Variants in ADGRV1 observed in about 807,000 individuals in gnomAD.
ADGRV1 encodes G-protein coupled receptor 98.
Under a neutral mutation model 596.2 loss-of-function variants are expected in ADGRV1, and 359 were observed. The ratio of observed to expected loss-of-function variants is 0.60; its 90% confidence interval spans 0.55 to 0.66. The LOEUF (loss-of-function observed/expected upper bound fraction) is 0.66, where lower values mean the gene tolerates loss of function less well. ADGRV1 is among the 30% of genes least tolerant of loss of function. The pLI, the probability that ADGRV1 is intolerant of heterozygous loss-of-function variation, is 0.00. For synonymous variants in ADGRV1, 2,681 were observed against 2,679.2 expected (o/e 1.00, Z -0.02); for missense variants, 7,274 against 7,575.6 (o/e 0.96, Z 1.48).
At chr5:91,125,681 T>C (rs12153246) in intron 87 of ADGRV1, among the ~76,000 whole-genome samples, 87,097 of 152,088 alleles carry the variant, frequency 0.57, 28,267 homozygotes, top group Non-Finnish European at 0.74. Context: ...ATTATTTTTT[T>C]CAAAGGAATA....
At chr5:90,980,931 T>C (rs1408755689) in intron 84 of ADGRV1, among the ~76,000 whole-genome samples, 1 of 152,182 alleles carries the variant, frequency 6.6e-6, no homozygotes, top group Non-Finnish European at 1.5e-5. Context: ...TATTGTAACA[T>C]TGATGAGAAA....
At chr5:91,158,849 G>GTGGA (rs35809247) in intron 89 of ADGRV1, among the ~76,000 whole-genome samples, 6,927 of 146,142 alleles carry the variant, frequency 0.047, 164 homozygotes, top group East Asian at 0.065. Context: ...ACATGGATGG[G>GTGGA]TGGATGGATG....
chr5:90,842,997 T>C (rs1443291199), intron 78 of ADGRV1, among the ~76,000 whole-genome samples: 2 of 152,082 alleles, frequency 1.3e-5, no homozygotes, highest in Admixed American at 1.3e-4. Context: ...AAACAAAAAT[T>C]CTACTAACAT....
intron 82 of ADGRV1, among the ~76,000 whole-genome samples, chr5:90,856,993 A>G (rs761819679): frequency 1.2e-4 from 19 of 152,184 alleles, no homozygotes; most frequent in Admixed American, 3.3e-4. Context: ...GAATCAAGTA[A>G]TTAATTACTA....
At chr5:90,940,000 A>G (rs1776035383) in intron 83 of ADGRV1, among the ~76,000 whole-genome samples, 1 of 152,194 alleles carries the variant, frequency 6.6e-6, no homozygotes, top group African/African-American at 2.4e-5. Context: ...CACATAGTTC[A>G]GAAATAACGT....
chr5:90,873,028 T>C (rs1478284716), intron 83 of ADGRV1, among the ~76,000 whole-genome samples: 1 of 152,226 alleles, frequency 6.6e-6, no homozygotes, highest in Non-Finnish European at 1.5e-5. Context: ...GGAAGTTGTG[T>C]CTCCTGAGCT....
At chr5:90,615,763 A>G (rs946254325) in intron 2 of ADGRV1, among the ~76,000 whole-genome samples, 4 of 151,964 alleles carry the variant, frequency 2.6e-5, no homozygotes, top group Admixed American at 6.6e-5. Flanking sequence ...ATATATCTAT[A>G]TATAGAAATT....
chr5:90,591,467 G>C (rs971044118), intron 1 of ADGRV1, among the ~76,000 whole-genome samples: 1 of 151,920 alleles, frequency 6.6e-6, no homozygotes, highest in Admixed American at 6.6e-5. Flanking sequence ...ATTATCTACT[G>C]GTTAGATAAA....
chr5:91,072,136 A>G (rs886671431), intron 85 of ADGRV1, among the ~76,000 whole-genome samples: 1 of 152,166 alleles, frequency 6.6e-6, no homozygotes, highest in Admixed American at 6.5e-5. Flanking sequence ...TAAAATGAAC[A>G]GATATGTACC....
intron 54 of ADGRV1, 107 bp downstream of exon 54, chr5:90,753,936 A>T: frequency 4.3e-6 from 5 of 1,159,330 alleles, no homozygotes; most frequent in Non-Finnish European, 4.7e-6. Context: ...TGACTTTTTC[A>T]GTTTGGCAGG....
intron 85 of ADGRV1, among the ~76,000 whole-genome samples, chr5:91,062,316 G>A (rs1787508724): frequency 6.6e-6 from 1 of 152,180 alleles, no homozygotes; most frequent in Non-Finnish European, 1.5e-5. Context: ...AAGACAGATT[G>A]GCTCAGCTCA....
At chr5:90,891,807 A>G (rs1936306877) in intron 83 of ADGRV1, among the ~76,000 whole-genome samples, 1 of 152,002 alleles carries the variant, frequency 6.6e-6, no homozygotes, top group Non-Finnish European at 1.5e-5. Flanking sequence ...GCCTGCTATC[A>G]TTGCTTATCC....
At chr5:90,591,299 G>A (rs953795951) in intron 1 of ADGRV1, among the ~76,000 whole-genome samples, 2 of 152,072 alleles carry the variant, frequency 1.3e-5, no homozygotes, top group African/African-American at 2.4e-5. Flanking sequence ...GGGAGGCTGA[G>A]GCATGAGAAC....
chr5:91,070,677 A>G (rs1180305233), intron 85 of ADGRV1, among the ~76,000 whole-genome samples: 1 of 152,240 alleles, frequency 6.6e-6, no homozygotes, highest in South Asian at 2.1e-4. Flanking sequence ...TTCTAGTTAT[A>G]TCTCTAAAAC....
intron 83 of ADGRV1, among the ~76,000 whole-genome samples, chr5:90,944,872 A>G (rs540337118): frequency 6.6e-6 from 1 of 152,176 alleles, no homozygotes; most frequent in Non-Finnish European, 1.5e-5. Context: ...TTTATTGCTG[A>G]GAAAATGGGA....
chr5:91,054,998 G>A (rs543314199), intron 85 of ADGRV1, among the ~76,000 whole-genome samples: 9 of 152,234 alleles, frequency 5.9e-5, no homozygotes, highest in South Asian at 4.1e-4. Context: ...GATTTTACAC[G>A]TAGGATTTAC....
chr5:91,024,088 T>C (rs1316166242), intron 85 of ADGRV1, among the ~76,000 whole-genome samples: 1 of 152,092 alleles, frequency 6.6e-6, no homozygotes, highest in Non-Finnish European at 1.5e-5. Flanking sequence ...TTCTGAAATC[T>C]CCCCAGCTGA....
chr5:90,760,898 T>A (rs1351018551), intron 58 of ADGRV1, among the ~76,000 whole-genome samples: 2 of 152,226 alleles, frequency 1.3e-5, no homozygotes, highest in Non-Finnish European at 2.9e-5. Context: ...CCATCATAAT[T>A]GTTATTACAT....
At chr5:90,580,844 T>C (rs1222852137) in intron 1 of ADGRV1, among the ~76,000 whole-genome samples, 1 of 151,634 alleles carries the variant, frequency 6.6e-6, no homozygotes, top group Admixed American at 6.6e-5. Context: ...TCCTGAAGAG[T>C]GTTTTCCAGC....
Sources: gnomAD v4.1 joint callset for allele counts (sites outside exome capture counted in the v4.1 genomes callset) on GRCh38, gnomAD v4.1.1 for gene constraint, MANE v1.5 for transcripts, NCBI Gene and HGNC (gene_info 2026-07-23, HGNC 2026-07-21) for gene names.